The following PCM1 variants were observed in gnomAD, a reference collection of about 807,000 sequenced individuals.
PCM1 encodes pericentriolar material 1.
PCM1 carries 157 observed loss-of-function variants against 241.9 expected under a neutral mutation model. That is an observed-to-expected ratio of 0.65 (90% CI 0.57 to 0.74). The LOEUF is 0.74. PCM1 is among the 30% of genes least tolerant of loss of function. The pLI is 0.00. For missense variants in PCM1, 3,478 were observed against 2,360.1 expected, an observed-to-expected ratio of 1.47 and a Z score of -9.81; for synonymous variants, 1,085 against 784.9, an observed-to-expected ratio of 1.38 and a Z score of -6.39.
rs765813229 is a variant in PCM1 at position 18,007,424 on chromosome 8, A to G, written c.4962+1027A>G. ...CTAACAGATAATTTCTAAGGACTACAAAACATTGATGGTGTTGTGCATTGT... is the reference window on the plus strand; with the variant it reads ...CTAACAGATAATTTCTAAGGACTACGAAACATTGATGGTGTTGTGCATTGT... On this transcript the variant is annotated intron_variant, in intron 30 of 38. Coordinates refer to ENST00000325083, the MANE Select transcript of PCM1 (RefSeq NM_006197.4). Among the ~76,000 whole-genome samples, 6 of 152,356 alleles carry G rather than the reference A, an allele frequency of 3.9e-5. No individual in the cohort carries two copies. The South Asian group carries it at 6.2e-4, about 16-fold the overall frequency.
chr8:17,967,752 G>A (rs78804704), intron 21 of PCM1, among the ~76,000 whole-genome samples: 2 of 152,306 alleles, frequency 1.3e-5, no homozygotes, highest in Admixed American at 6.5e-5. Context: ...TGTGTAAAAC[G>A]CTGGGAGAGT....
In PCM1 at chr8:17,960,404, A is replaced by G. The variant is rs769291534; in HGVS notation, c.2282A>G (p.Glu761Gly). 6.2e-7 allele frequency: 1 copy of G among 1,605,960 alleles called. No individual in the cohort carries two copies. Among genetic ancestry groups the G allele is most frequent in the Non-Finnish European group, 8.5e-7 (1 of 1,177,118 alleles). ...AGAAAGAAACTGATTGACATTCAGG[A>G]GAAAATTCAAGCATTGCAAACGGCA... Reference protein sequence around the residue: ...EERKKLIDIQEKIQALQTACP... With the variant: ...EERKKLIDIQGKIQALQTACP... The change falls in exon 15 of 39, where the codon GAG (glutamate) becomes GGG (glycine). Residue 761 changes from glutamate to glycine, a missense_variant. Coordinates refer to ENST00000325083, the MANE Select transcript of PCM1 (RefSeq NM_006197.4).
intron 24 of PCM1, chr8:17,983,406 T>C (rs1044002856): frequency 1.4e-5 from 5 of 354,442 alleles, no homozygotes; most frequent in Admixed American, 4.1e-5. Context: ...ATATATGTTA[T>C]GTGACTATTG....
intron 36 of PCM1, among the ~76,000 whole-genome samples, chr8:18,023,815 C>G (rs2093951974): frequency 6.6e-6 from 1 of 152,198 alleles, no homozygotes; most frequent in African/African-American, 2.4e-5. Flanking sequence ...TGATTGCCAT[C>G]AGGGAAGCTA....
intron 5 of PCM1, 58 bp downstream of exon 5, chr8:17,939,067 A>C (rs2061272573): frequency 1.3e-6 from 2 of 1,562,954 alleles, no homozygotes; most frequent in Non-Finnish European, 1.7e-6. Context: ...TACCAACAGT[A>C]AGGTTTAGAA....
intron 7 of PCM1, among the ~76,000 whole-genome samples, chr8:17,947,926 T>C (rs2064432433): frequency 6.6e-6 from 1 of 152,234 alleles, no homozygotes; most frequent in Non-Finnish European, 1.5e-5. Context: ...CTCATAGCCA[T>C]GTGTGAATTA....
rs78804704 is a variant in PCM1 at position 17,967,752 on chromosome 8, G to T, written c.3412+582G>T. On this transcript the variant is annotated intron_variant, in intron 21 of 38. Transcript: ENST00000325083. ...CTGTATACTAGGCACTGTGTAAAACGCTGGGAGAGTAAAGATGAATAAGAC... is the reference window on the plus strand; with the variant it reads ...CTGTATACTAGGCACTGTGTAAAACTCTGGGAGAGTAAAGATGAATAAGAC... 2.6e-5 allele frequency among the ~76,000 whole-genome samples: 4 copies of T among 152,188 alleles called. No individual in the cohort carries two copies. The East Asian group carries it at 7.7e-4, about 29-fold the overall frequency.
At chr8:18,004,388 T>G (rs529747573) in intron 29 of PCM1, among the ~76,000 whole-genome samples, 71 of 152,322 alleles carry the variant, frequency 4.7e-4, no homozygotes, top group African/African-American at 1.5e-3. Context: ...TTTGACCTTT[T>G]AAGCGCTACT....
At chr8:17,983,414 T>C in intron 24 of PCM1, 1 of 332,800 alleles carries the variant, frequency 3.0e-6, no homozygotes, top group Non-Finnish European at 5.7e-6. Flanking sequence ...TATGTGACTA[T>C]TGTAAAAGAT....
At chr8:17,974,530 A>C (rs1329957265) in intron 23 of PCM1, among the ~76,000 whole-genome samples, 1 of 152,200 alleles carries the variant, frequency 6.6e-6, no homozygotes, top group East Asian at 1.9e-4. Flanking sequence ...CTGCCTTCCT[A>C]ACAGACTCTC....
intron 9 of PCM1, 28 bp from the exon 10 acceptor site, chr8:17,955,442 A>T: frequency 1.3e-6 from 2 of 1,518,556 alleles, no homozygotes; most frequent in South Asian, 1.3e-5. Flanking sequence ...TGATTAAAAA[A>T]AATTTTTTGT....
rs760044615 is a variant in PCM1, at chr8:17,980,693, G to C, written c.4046G>C (p.Arg1349Thr). Residue 1349 changes from arginine to threonine, a missense_variant, in exon 24 of 39, where the codon AGA becomes ACA. Arg to Thr is a moderately conservative substitution (Grantham distance 71). Coordinates refer to ENST00000325083, the MANE Select transcript of PCM1 (RefSeq NM_006197.4). Reference protein sequence around the residue: ...EEPVQAKVFSRKNHEQLEKII... With the variant: ...EEPVQAKVFSTKNHEQLEKII... ...CCTGTTCAAGCAAAAGTATTCAGCA[G>C]AAAGAATCATGAGCAACTGGAAAAA... 1 of 1,613,036 alleles carries C rather than the reference G, an allele frequency of 6.2e-7. No homozygotes were observed. The highest frequency in any genetic ancestry group is 8.5e-7 in the Non-Finnish European group (1 of 1,179,368).
In PCM1 at chr8:17,947,363, G is replaced by T. The variant is rs770027563; in HGVS notation, c.961G>T (p.Val321Phe). Residue 321 changes from valine (V) to phenylalanine (F), a missense_variant and splice_region_variant, in exon 7 of 39, where the codon GTT (valine) becomes TTT (phenylalanine). Physicochemically the swap from Val to Phe is conservative, Grantham distance 50. Coordinates refer to ENST00000325083, the MANE Select transcript of PCM1 (RefSeq NM_006197.4). ...AGCTATTGCAGTGATGGATGATTCT[G>T]GTATGTCACAGTCTGAGAATATTCT... ...EQAIAVMDDS[V>F]VAETAGSLSG... is the part of the protein sequence containing the mutation. 2 of 1,578,122 alleles carry T rather than the reference G, an allele frequency of 1.3e-6. No individual in the cohort carries two copies. The highest frequency in any genetic ancestry group is 3.7e-5 in the Admixed American group (2 of 54,524).
chr8:17,997,737 A>C (rs2087431346), intron 29 of PCM1, among the ~76,000 whole-genome samples: 1 of 151,936 alleles, frequency 6.6e-6, no homozygotes. Context: ...TAGAATTCTG[A>C]ATTCCCGGCC....
chr8:17,956,178 C>A (rs543242703), intron 10 of PCM1, among the ~76,000 whole-genome samples: 11 of 152,230 alleles, frequency 7.2e-5, no homozygotes, highest in African/African-American at 2.2e-4. Context: ...GTGTATAGAT[C>A]TCATATGTGC....
intron 29 of PCM1, 188 bp from the exon 30 acceptor site, chr8:18,006,075 C>G (rs1243755978): frequency 9.8e-6 from 5 of 508,878 alleles, no homozygotes; most frequent in African/African-American, 5.8e-5. Context: ...TGCCAAACCT[C>G]TCAATACGTA....
At chr8:17,931,724 G>A (rs906299801) in intron 2 of PCM1, among the ~76,000 whole-genome samples, 1 of 151,842 alleles carries the variant, frequency 6.6e-6, no homozygotes, top group African/African-American at 2.4e-5. Context: ...TTTAAATATG[G>A]CATCACTTCT....
In PCM1 at chr8:17,935,571, T is replaced by A. The variant is rs747951838; in HGVS notation, c.-22-18T>A. On this transcript the variant is annotated intron_variant, in intron 2 of 38. Coordinates refer to ENST00000325083, the MANE Select transcript of PCM1 (RefSeq NM_006197.4). The stretch of plus-strand genomic sequence containing the variant: ...GTTTTTATGTGTTATAAAGCTCAGT[T>A]CTTAACTTGTTTCGCAGAGAGTTAA... The A allele has an allele frequency of 3.4e-6, 3 of 872,454 alleles. No individual in the cohort carries two copies. The highest frequency in any genetic ancestry group is 5.8e-6 in the Non-Finnish European group (3 of 513,000). The allele number at this position is 872,454 out of a possible 1,614,324, so 54.0% of individuals were successfully genotyped here.
intron 36 of PCM1, chr8:18,015,686 TTTA>T (rs2093094928): frequency 6.6e-6 from 1 of 152,114 alleles, no homozygotes; most frequent in South Asian, 2.1e-4. Flanking sequence ...ACTGTAAAAT[TTTA>T]TTGTGTCTCA....
Sources: allele counts gnomAD v4.1 joint callset (sites outside exome capture counted in the v4.1 genomes callset), GRCh38; gene constraint gnomAD v4.1.1; transcripts MANE v1.5; gene names NCBI Gene and HGNC (gene_info 2026-07-23, HGNC 2026-07-21).